PDZD2: variants seen among roughly 807,000 people sequenced by gnomAD.
The protein encoded by PDZD2 is PDZ domain-containing protein 2.
Under a neutral mutation model 220.7 loss-of-function variants are expected in PDZD2, and 90 were observed. The observed-to-expected ratio is 0.41, with a 90% CI of 0.34 to 0.49. PDZD2 has a LOEUF of 0.49. Ranked by LOEUF, PDZD2 falls within the 20% of genes least tolerant of loss-of-function variation. The pLI is 0.28. For missense variants in PDZD2, 3,174 were observed against 3,608.5 expected (o/e 0.88, Z 3.08); for synonymous variants, 1,375 against 1,450.5 (o/e 0.95, Z 1.18).
At chr5:31,981,140 C>T (rs1309020680) in intron 2 of PDZD2, among the ~76,000 whole-genome samples, 3 of 152,082 alleles carry the variant, frequency 2.0e-5, no homozygotes, top group Non-Finnish European at 4.4e-5. Context: ...GGTGACCTGG[C>T]GTCTGTACAG....
At chr5:31,658,576 T>C (rs1745640269) in intron 1 of PDZD2, among the ~76,000 whole-genome samples, 1 of 152,186 alleles carries the variant, frequency 6.6e-6, no homozygotes, top group Non-Finnish European at 1.5e-5. Flanking sequence ...CTTTATATCC[T>C]TAACAACCCC....
intron 2 of PDZD2, among the ~76,000 whole-genome samples, chr5:31,889,267 C>T (rs897355686): frequency 6.6e-6 from 1 of 152,098 alleles, no homozygotes; most frequent in South Asian, 2.1e-4. Flanking sequence ...TAATTTAGTG[C>T]GAGAGCCAAT....
At chr5:31,964,301 G>A (rs1748521096) in intron 2 of PDZD2, among the ~76,000 whole-genome samples, 1 of 152,030 alleles carries the variant, frequency 6.6e-6, no homozygotes, top group South Asian at 2.1e-4. Flanking sequence ...TTATCCCATT[G>A]AAGCCTCCTG....
At chr5:32,024,921 T>A (rs780663043) in intron 6 of PDZD2, among the ~76,000 whole-genome samples, 2 of 152,148 alleles carry the variant, frequency 1.3e-5, no homozygotes, top group African/African-American at 2.4e-5. Context: ...CAGTAAAACT[T>A]GACAAAAACA....
At chr5:31,670,712 C>T (rs1467686383) in intron 1 of PDZD2, among the ~76,000 whole-genome samples, 1 of 152,148 alleles carries the variant, frequency 6.6e-6, no homozygotes, top group Non-Finnish European at 1.5e-5. Context: ...TGAGCCACCG[C>T]GCCCGGCCAG....
chr5:31,936,152 ACAGAGCATGGGGAGCTGG>A (rs1357508925), intron 2 of PDZD2: 1 of 985,794 alleles, frequency 1.0e-6, no homozygotes, highest in Non-Finnish European at 1.2e-6. Context: ...CCTCAGCTCC[ACAGAGCATGGGGAGCTGG>A]CAGGAAGTTG....
intron 2 of PDZD2, among the ~76,000 whole-genome samples, chr5:31,901,281 G>A (rs1185592888): frequency 3.3e-5 from 5 of 152,072 alleles, no homozygotes; most frequent in African/African-American, 1.2e-4. Context: ...AGCCAGGCGT[G>A]GTGGCATGTG....
intron 7 of PDZD2, among the ~76,000 whole-genome samples, chr5:32,039,005 G>T (rs1039809464): frequency 2.6e-5 from 4 of 152,168 alleles, no homozygotes; most frequent in African/African-American, 9.7e-5. Flanking sequence ...GATTGGTGGA[G>T]AGGGCATGCC....
At chr5:31,820,845 A>G (rs1755794861) in intron 2 of PDZD2, among the ~76,000 whole-genome samples, 1 of 152,072 alleles carries the variant, frequency 6.6e-6, no homozygotes, top group Admixed American at 6.6e-5. Context: ...ATGTTTTCTT[A>G]ATTGAAATAT....
intron 2 of PDZD2, among the ~76,000 whole-genome samples, chr5:31,950,362 A>G (rs193202033): frequency 4.6e-4 from 70 of 152,318 alleles, no homozygotes; most frequent in African/African-American, 1.3e-3. Context: ...GCTCTAACCA[A>G]TGAGGAAGGC....
rs1208262874 is a variant in PDZD2 at position 31,689,355 on chromosome 5, T to TATA, written c.-361+49918_-361+49919insATA. Among the ~76,000 whole-genome samples the TATA allele has an allele frequency of 5.0e-3, 105 of 20,852 alleles. 1 individual carries two copies. Among genetic ancestry groups the TATA allele is most frequent in the Non-Finnish European group, 6.9e-3 (90 of 13,046 alleles). The allele number at this position is 20,852 out of a possible 152,430, so 13.7% of individuals were successfully genotyped here. On this transcript the variant is annotated intron_variant, in intron 1 of 24. Transcript: ENST00000438447. ...CATATACATATATATATATATATAT[T>TATA]TTTTTTTTTTTTTTTTTTAAGTCGA...
At chr5:31,650,219 A>C (rs1417569035) in intron 1 of PDZD2, among the ~76,000 whole-genome samples, 3 of 152,148 alleles carry the variant, frequency 2.0e-5, no homozygotes, top group Non-Finnish European at 4.4e-5. Context: ...CTGTTGAACA[A>C]GTCAAGCACT....
intron 1 of PDZD2, among the ~76,000 whole-genome samples, chr5:31,726,948 A>G (rs2150152564): frequency 6.6e-6 from 1 of 152,258 alleles, no homozygotes; most frequent in African/African-American, 2.4e-5. Flanking sequence ...GGGGGGCCTC[A>G]GGGAGGCCTT....
intron 8 of PDZD2, among the ~76,000 whole-genome samples, chr5:32,049,655 G>A (rs749509147): frequency 1.3e-5 from 2 of 152,192 alleles, no homozygotes; most frequent in African/African-American, 2.4e-5. Flanking sequence ...TCAATTATGT[G>A]TCAGGATAAA....
chr5:31,650,286 G>A (rs1006462993), intron 1 of PDZD2, among the ~76,000 whole-genome samples: 2 of 152,122 alleles, frequency 1.3e-5, no homozygotes, highest in Non-Finnish European at 2.9e-5. Context: ...AGGAAACAGA[G>A]GCTTGGAAAG....
intron 2 of PDZD2, among the ~76,000 whole-genome samples, chr5:31,969,902 T>A (rs1249715960): frequency 6.6e-6 from 1 of 152,070 alleles, no homozygotes; most frequent in African/African-American, 2.4e-5. Context: ...TATTTATTTA[T>A]TTATTTATTT....
intron 1 of PDZD2, among the ~76,000 whole-genome samples, chr5:31,704,316 A>T (rs1368300455): frequency 6.6e-6 from 1 of 152,130 alleles, no homozygotes; most frequent in Non-Finnish European, 1.5e-5. Flanking sequence ...TCGGGCCAAT[A>T]CTGTTCATTT....
chr5:31,959,769 A>G (rs370181446), intron 2 of PDZD2, among the ~76,000 whole-genome samples: 2 of 152,222 alleles, frequency 1.3e-5, no homozygotes, highest in East Asian at 3.8e-4. Context: ...TTAAAACAAT[A>G]CAAAGTATTC....
chr5:31,699,828 A>G (rs538080106), intron 1 of PDZD2, among the ~76,000 whole-genome samples: 1 of 146,844 alleles, frequency 6.8e-6, no homozygotes, highest in East Asian at 2.0e-4. Context: ...ATAGGGTTTC[A>G]CCATGTTGGC....
Sources: gnomAD v4.1 joint callset for allele counts (sites outside exome capture counted in the v4.1 genomes callset) on GRCh38, gnomAD v4.1.1 for gene constraint, MANE v1.5 for transcripts, NCBI Gene and HGNC (gene_info 2026-07-23, HGNC 2026-07-21) for gene names.